FRAS1: variants seen among roughly 807,000 people sequenced by gnomAD.
FRAS1 encodes the protein Fraser extracellular matrix complex subunit 1.
In FRAS1, 290 loss-of-function variants were observed where a neutral mutation model predicts 435.2. The observed-to-expected ratio is 0.67, with a 90% CI of 0.61 to 0.73. The LOEUF (loss-of-function observed/expected upper bound fraction) is 0.73, where lower values mean the gene tolerates loss of function less well. Among genes scored for constraint, FRAS1 ranks in the 30% least tolerant of loss-of-function variants. The pLI is 0.00. For synonymous variants in FRAS1, 1,800 were observed against 1,851.0 expected (o/e 0.97, Z 0.71); for missense variants, 4,860 against 5,001.5 (o/e 0.97, Z 0.85).
At chr4:78,233,340 G>C (rs1724594868) in intron 2 of FRAS1, among the ~76,000 whole-genome samples, 1 of 152,198 alleles carries the variant, frequency 6.6e-6, no homozygotes, top group Non-Finnish European at 1.5e-5. Context: ...AAGTTGTCTT[G>C]AAAACTCAAC....
intron 4 of FRAS1, among the ~76,000 whole-genome samples, chr4:78,247,819 C>G (rs533470859): frequency 7.9e-5 from 12 of 152,096 alleles, no homozygotes; most frequent in Non-Finnish European, 1.6e-4. Context: ...TATAAAATAG[C>G]CTGGCATTTT....
chr4:78,383,248 T>A (rs1269228560), intron 27 of FRAS1, among the ~76,000 whole-genome samples: 1 of 152,154 alleles, frequency 6.6e-6, no homozygotes, highest in Non-Finnish European at 1.5e-5. Context: ...AGACTTGTTA[T>A]AACATTGCAG....
intron 35 of FRAS1, among the ~76,000 whole-genome samples, chr4:78,427,651 T>G (rs1734048188): frequency 6.6e-6 from 1 of 152,166 alleles, no homozygotes; most frequent in Admixed American, 6.6e-5. Flanking sequence ...AAAGAAGCAA[T>G]GACAATAATT....
chr4:78,398,473 G>T (rs1732758401), intron 29 of FRAS1, among the ~76,000 whole-genome samples: 1 of 152,168 alleles, frequency 6.6e-6, no homozygotes, highest in Admixed American at 6.5e-5. Context: ...ACTCACACAG[G>T]AATTATAGAG....
chr4:78,448,610 A>G (rs947302611), intron 44 of FRAS1, among the ~76,000 whole-genome samples: 1 of 152,110 alleles, frequency 6.6e-6, no homozygotes, highest in Non-Finnish European at 1.5e-5. Flanking sequence ...AATTTATTCA[A>G]CTCCTCCTAG....
intron 59 of FRAS1, among the ~76,000 whole-genome samples, chr4:78,489,968 C>CA (rs61568957): frequency 0.2 from 18,540 of 92,166 alleles, 1,596 homozygotes; most frequent in African/African-American, 0.26. Flanking sequence ...TAGTGGAAAA[C>CA]AAAAAAAAAA....
intron 6 of FRAS1, among the ~76,000 whole-genome samples, chr4:78,261,430 T>C (rs1340641325): frequency 1.3e-5 from 2 of 152,176 alleles, no homozygotes; most frequent in Non-Finnish European, 2.9e-5. Flanking sequence ...TCCCCAAATA[T>C]AGCATCTTGG....
At chr4:78,497,809 A>T (rs1012339403) in intron 60 of FRAS1, among the ~76,000 whole-genome samples, 1 of 152,218 alleles carries the variant, frequency 6.6e-6, no homozygotes, top group Admixed American at 6.5e-5. Context: ...TTCTAGGGAA[A>T]TATCAGTAAC....
In FRAS1 at chr4:78,482,411, T is replaced by C. The variant is rs780620076; in HGVS notation, c.8628T>C (p.Asp2876=). ...AGTATTGCACCTTGACTATCTTGGA[T>C]GACACTCAGTATCCGGTAATTGAAG... The part of the protein sequence containing the change: ...IEQYCTLTIL[D]DTQYPVIEGL... Residue 2876 remains aspartate (D), a synonymous_variant, in exon 58 of 74, where the codon GAT becomes GAC. Coordinates refer to ENST00000512123, the MANE Select transcript of FRAS1 (RefSeq NM_025074.7). 2 of 1,613,878 alleles carry C rather than the reference T, an allele frequency of 1.2e-6. No individual in the cohort carries two copies. Among genetic ancestry groups the C allele is most frequent in the Non-Finnish European group, 1.7e-6 (2 of 1,179,814 alleles).
chr4:78,081,507 T>C (rs1410208613), intron 2 of FRAS1, among the ~76,000 whole-genome samples: 3 of 152,106 alleles, frequency 2.0e-5, no homozygotes, highest in Admixed American at 2.0e-4. Context: ...ACTCCCCCTA[T>C]CCAGCCTCTC....
At chr4:78,174,170 C>A (rs1177189513) in intron 2 of FRAS1, among the ~76,000 whole-genome samples, 1 of 152,170 alleles carries the variant, frequency 6.6e-6, no homozygotes, top group Non-Finnish European at 1.5e-5. Flanking sequence ...CAGGAGCTCT[C>A]TGTAAATTAA....
Position 78,446,746 on chromosome 4 carries a change from C to T in FRAS1, c.5876C>T (p.Pro1959Leu). 6.2e-7 allele frequency: 1 copy of T among 1,613,028 alleles called. No individual in the cohort carries two copies. Among genetic ancestry groups the T allele is most frequent in the Non-Finnish European group, 8.5e-7 (1 of 1,179,554 alleles). The change falls in exon 43 of 74, where the codon CCC becomes CTC. Residue 1959 changes from proline (P) to leucine (L), a missense_variant. By Grantham distance (98) the Pro-to-Leu change is moderately conservative. Transcript: ENST00000512123. ...ITIERKNDEP[P>L]RMTLQPLRVQ... is the part of the protein sequence containing the mutation. ...AATCAGAGGAAGAACGATGAGCCTCCCAGGATGACCTTGCAGCCCCTCAGA... is the reference window on the plus strand; with the variant it reads ...AATCAGAGGAAGAACGATGAGCCTCTCAGGATGACCTTGCAGCCCCTCAGA...
At chr4:78,111,752 T>TAAAA (rs564909222) in intron 2 of FRAS1, among the ~76,000 whole-genome samples, 31 of 105,056 alleles carry the variant, frequency 3.0e-4, no homozygotes, top group African/African-American at 7.1e-4. Flanking sequence ...TAGAGTATAA[T>TAAAA]AAAAAAAAAA....
At chr4:78,369,632 C>T (rs1476437699) in intron 22 of FRAS1, among the ~76,000 whole-genome samples, 1 of 152,078 alleles carries the variant, frequency 6.6e-6, no homozygotes, top group Non-Finnish European at 1.5e-5. Flanking sequence ...ACTTTATATT[C>T]TTTGTAAAAT....
At chr4:78,354,428 C>T (rs994140520) in intron 20 of FRAS1, among the ~76,000 whole-genome samples, 1 of 152,090 alleles carries the variant, frequency 6.6e-6, no homozygotes, top group Non-Finnish European at 1.5e-5. Context: ...TAACAGCTTA[C>T]GGGTGGGCTG....
chr4:78,098,251 A>G (rs975129722), intron 2 of FRAS1, among the ~76,000 whole-genome samples: 47 of 149,302 alleles, frequency 3.1e-4, no homozygotes, highest in African/African-American at 1.1e-3. Context: ...CTCCTCTTTA[A>G]TGTGGGGGTT....
chr4:78,308,963 G>A (rs1350275915), intron 15 of FRAS1, among the ~76,000 whole-genome samples: 5 of 152,182 alleles, frequency 3.3e-5, no homozygotes, highest in Non-Finnish European at 7.3e-5. Context: ...GACTCTGTAG[G>A]TGTGATTAAG....
Position 78,282,912 on chromosome 4 carries a change from AGTGGGCACACT to A in FRAS1, c.1202_1212del (p.Val401GlyfsTer32). 6.2e-7 allele frequency: 1 copy of A among 1,611,512 alleles called. No individual in the cohort carries two copies. Among genetic ancestry groups the A allele is most frequent in the South Asian group, 1.1e-5 (1 of 90,512 alleles). ...ACGAGCCCTCTTGCCCACCATGTCC[AGTGGGCACACT>A]GGCCTTAGAGGTGAAGGGACAGTGC... On this transcript the variant is annotated frameshift_variant, in exon 12 of 74. Transcript: ENST00000512123. LOFTEE classifies it high-confidence loss of function.
intron 2 of FRAS1, among the ~76,000 whole-genome samples, chr4:78,221,992 T>C (rs1724073625): frequency 6.6e-6 from 1 of 152,162 alleles, no homozygotes; most frequent in South Asian, 2.1e-4. Context: ...AGATAGAACT[T>C]TCCCTGTTAA....
Sources: gnomAD v4.1 joint callset for allele counts (sites outside exome capture counted in the v4.1 genomes callset) on GRCh38, gnomAD v4.1.1 for gene constraint, MANE v1.5 for transcripts, NCBI Gene and HGNC (gene_info 2026-07-23, HGNC 2026-07-21) for gene names.